RCBTB2: variants seen among roughly 807,000 people sequenced by gnomAD.
RCBTB2 encodes RCC1 and BTB domain-containing protein 2.
Under a neutral mutation model 65.4 loss-of-function variants are expected in RCBTB2, and 55 were observed. The ratio of observed to expected loss-of-function variants is 0.84; its 90% CI spans 0.68 to 1.05. RCBTB2 has a LOEUF of 1.05. Ranked by LOEUF, RCBTB2 falls within the 50% of genes least tolerant of loss-of-function variation. The pLI, the probability that RCBTB2 is intolerant of heterozygous loss-of-function variation, is 0.00. For missense variants in RCBTB2, 599 were observed against 680.1 expected (o/e 0.88, Z 1.33); for synonymous variants, 220 against 255.2 (o/e 0.86, Z 1.31).
intron 1 of RCBTB2, among the ~76,000 whole-genome samples, chr13:48,530,052 G>A (rs74962194): frequency 0.027 from 4,118 of 151,910 alleles, 170 homozygotes; most frequent in African/African-American, 0.09. Flanking sequence ...CACCATGCCT[G>A]GCTCATTTTT....
At chr13:48,517,170 C>T (rs975376479) in intron 4 of RCBTB2, among the ~76,000 whole-genome samples, 14 of 152,212 alleles carry the variant, frequency 9.2e-5, no homozygotes, top group African/African-American at 3.1e-4. Flanking sequence ...GTCCTCATTA[C>T]CATGAATTTC....
In RCBTB2 at chr13:48,496,186, C is replaced by T. The variant is rs1949959685; in HGVS notation, c.1515+5G>A. On this transcript the variant is annotated splice_donor_5th_base_variant and intron_variant, in intron 14 of 14. Transcript: ENST00000344532. ...GGCCGGCAGCTGGAAGCAAGCTTTCCTTACCTGTGCATCATACTTCACCGC... is the reference window on the plus strand; with the variant it reads ...GGCCGGCAGCTGGAAGCAAGCTTTCTTTACCTGTGCATCATACTTCACCGC... The T allele has an allele frequency of 6.8e-7, 1 of 1,472,958 alleles. No individual in the cohort carries two copies. The highest frequency in any genetic ancestry group is 1.4e-5 in the South Asian group (1 of 70,614). 91.2% of individuals were successfully genotyped at this position (1,472,958 alleles called of 1,614,324 possible). A position where few individuals can be genotyped will look rare whatever the true frequency, so the allele number is the denominator to read the frequency against.
intron 4 of RCBTB2, among the ~76,000 whole-genome samples, chr13:48,521,044 T>C (rs1490707869): frequency 6.6e-6 from 1 of 152,190 alleles, no homozygotes; most frequent in Non-Finnish European, 1.5e-5. Flanking sequence ...AGTAATTTCA[T>C]TGCTGATTCT....
At chr13:48,513,971 G>C (rs1412393515) in intron 6 of RCBTB2, among the ~76,000 whole-genome samples, 10 of 152,158 alleles carry the variant, frequency 6.6e-5, no homozygotes, top group Admixed American at 6.6e-4. Context: ...CATAGTAAGA[G>C]ATTAACAACA....
intron 4 of RCBTB2, among the ~76,000 whole-genome samples, chr13:48,518,103 C>T (rs897500240): frequency 6.6e-6 from 1 of 152,194 alleles, no homozygotes; most frequent in African/African-American, 2.4e-5. Context: ...GAGCATTGCC[C>T]TGATGATGCC....
intron 6 of RCBTB2, among the ~76,000 whole-genome samples, chr13:48,514,882 C>G (rs371768944): frequency 6.6e-6 from 1 of 152,186 alleles, no homozygotes; most frequent in African/African-American, 2.4e-5. Flanking sequence ...TAAGAGTTGG[C>G]GGGGGGATGT....
chr13:48,501,612 G>T, intron 12 of RCBTB2, 130 bp downstream of exon 12: 1 of 691,646 alleles, frequency 1.4e-6, no homozygotes, highest in Non-Finnish European at 2.4e-6. Flanking sequence ...CCGCTCCACT[G>T]TATGCTTGTA....
chr13:48,510,919 C>T, intron 9 of RCBTB2, 148 bp from the exon 10 acceptor site: 5 of 782,274 alleles, frequency 6.4e-6, no homozygotes, highest in Non-Finnish European at 1.0e-5. Context: ...CAACATCCTT[C>T]CAGAACATGT....
At chr13:48,517,310 A>T (rs776083243) in intron 4 of RCBTB2, among the ~76,000 whole-genome samples, 10 of 152,208 alleles carry the variant, frequency 6.6e-5, no homozygotes, top group Non-Finnish European at 1.3e-4. Flanking sequence ...GTTAATGAAC[A>T]AGTAAATGAA....
In RCBTB2 at chr13:48,502,881, G is replaced by A; in HGVS notation, c.960C>T (p.His320=). ...CACCCTGCGTCTTGGCCGCAGACGT[G>A]TGTGTGGAGTGACAGGCTGCAATCT... ...IIEIAACHST[H]TSAAKTQGGH... Residue 320 remains histidine (H), a synonymous_variant, in exon 11 of 15, where the codon CAC becomes CAT. Transcript: ENST00000344532. 1 of 1,613,618 alleles carries A rather than the reference G, an allele frequency of 6.2e-7. No homozygotes were observed. Among genetic ancestry groups the A allele is most frequent in the East Asian group, 2.2e-5 (1 of 44,832 alleles).
At chr13:48,518,472 A>AAATATATATATAT (rs1491137365) in intron 4 of RCBTB2, among the ~76,000 whole-genome samples, 1 of 116,620 alleles carries the variant, frequency 8.6e-6, no homozygotes, top group African/African-American at 3.8e-5. Context: ...AAAAAAAAAA[A>AAATATATATATAT]ATATATATAT....
intron 4 of RCBTB2, among the ~76,000 whole-genome samples, chr13:48,519,816 G>A (rs773138398): frequency 3.3e-5 from 5 of 152,116 alleles, no homozygotes; most frequent in Non-Finnish European, 5.9e-5. Flanking sequence ...AAGTTTGTTA[G>A]GGCAACTATT....
rs749702173 is a variant in RCBTB2, at chr13:48,515,716, A to G, written c.68T>C (p.Leu23Ser). ...CCACTTTCCCACATCTAACATCTTC[A>G]AAGATGACAGAGTAGCCTGTACTGG... The part of the protein sequence containing the change: ...GKPVQATLSS[L>S]KMLDVGKWPI... The change falls in exon 5 of 15, where the codon TTG becomes TCG. Residue 23 changes from leucine (L) to serine (S), a missense_variant. Coordinates refer to ENST00000344532, the MANE Select transcript of RCBTB2 (RefSeq NM_001268.4). The G allele has an allele frequency of 6.2e-7, 1 of 1,612,352 alleles. No individual in the cohort carries two copies. Among genetic ancestry groups the G allele is most frequent in the Non-Finnish European group, 8.5e-7 (1 of 1,179,556 alleles).
chr13:48,515,179 A>T (rs779246728), intron 6 of RCBTB2, 26 bp downstream of exon 6: 1 of 1,600,678 alleles, frequency 6.2e-7, no homozygotes, highest in South Asian at 1.1e-5. Flanking sequence ...ATAAAGCTGA[A>T]ATTCTACATG....
chr13:48,522,086 T>C (rs1223920872), intron 3 of RCBTB2, 124 bp from the exon 4 acceptor site: 6 of 876,780 alleles, frequency 6.8e-6, no homozygotes, highest in Non-Finnish European at 1.1e-5. Flanking sequence ...GAAAGGAAGA[T>C]AAAGGAATTA....
chr13:48,518,458 C>CAAAA (rs58455074), intron 4 of RCBTB2, among the ~76,000 whole-genome samples: 4 of 98,416 alleles, frequency 4.1e-5, no homozygotes, highest in African/African-American at 1.5e-4. Context: ...GAGTACTTTG[C>CAAAA]AAAAAAAAAA....
intron 4 of RCBTB2, among the ~76,000 whole-genome samples, chr13:48,518,470 A>AT (rs1448523661): frequency 0.015 from 1,963 of 130,500 alleles, 15 homozygotes; most frequent in Non-Finnish European, 0.023. Context: ...AAAAAAAAAA[A>AT]AAATATATAT....
chr13:48,495,525 A>G (rs1391701652), intron 14 of RCBTB2, among the ~76,000 whole-genome samples: 1 of 152,238 alleles, frequency 6.6e-6, no homozygotes, highest in East Asian at 1.9e-4. Flanking sequence ...AAACTGCTGA[A>G]GTAAACACCT....
chr13:48,515,882 G>C, intron 4 of RCBTB2, 141 bp from the exon 5 acceptor site: 1 of 851,632 alleles, frequency 1.2e-6, no homozygotes, highest in Non-Finnish European at 1.8e-6. Flanking sequence ...CGCAGCTGCA[G>C]GGATTGCCTC....
Sources: allele counts gnomAD v4.1 joint callset (sites outside exome capture counted in the v4.1 genomes callset), GRCh38; gene constraint gnomAD v4.1.1; transcripts MANE v1.5; gene names NCBI Gene and HGNC (gene_info 2026-07-23, HGNC 2026-07-21).